OPHN1: variants seen among roughly 807,000 people sequenced by gnomAD.
OPHN1 encodes oligophrenin 1.
Under a neutral mutation model 60.7 loss-of-function variants are expected in OPHN1, and 11 were observed. The ratio of observed to expected loss-of-function variants is 0.18; its 90% CI spans 0.11 to 0.30. The LOEUF is 0.30. OPHN1 is among the 10% of genes least tolerant of loss of function. The pLI, the probability that OPHN1 is intolerant of heterozygous loss-of-function variation, is 1.00. For missense variants in OPHN1, 449 were observed against 611.0 expected (o/e 0.73, Z 2.80); for synonymous variants, 226 against 222.6 (o/e 1.02, Z -0.14).
intron 5 of OPHN1, among the ~76,000 whole-genome samples, chrX:68,244,309 C>T (rs2077795309): frequency 8.9e-6 from 1 of 112,399 alleles, no homozygotes; most frequent in African/African-American, 3.2e-5. Context: ...AGACCAACTC[C>T]ACCCCCACAA....
At chrX:68,232,783 T>C (rs2077734354) in intron 6 of OPHN1, among the ~76,000 whole-genome samples, 1 of 110,445 alleles carries the variant, frequency 9.1e-6, no homozygotes, top group Non-Finnish European at 1.9e-5. Flanking sequence ...GTTTTCTGCA[T>C]AGAAACCGCG....
intron 2 of OPHN1, among the ~76,000 whole-genome samples, chrX:68,319,628 C>G (rs996447964): frequency 2.7e-5 from 3 of 109,842 alleles, no homozygotes; most frequent in Non-Finnish European, 5.7e-5. Flanking sequence ...CCCAGCTACT[C>G]GAGAGGCTGA....
chrX:68,307,458 C>A (rs112694271), intron 2 of OPHN1, among the ~76,000 whole-genome samples: 11,106 of 45,928 alleles, frequency 0.24, 1,201 homozygotes, highest in African/African-American at 0.48. Context: ...CCTATGTCAA[C>A]AAAAAAAAAA....
chrX:68,150,258 T>C (rs2077280205), intron 15 of OPHN1, among the ~76,000 whole-genome samples: 3 of 111,625 alleles, frequency 2.7e-5, no homozygotes, highest in Non-Finnish European at 5.7e-5. Context: ...TGCACAACAC[T>C]GTAAGGGTAT....
intron 11 of OPHN1, among the ~76,000 whole-genome samples, chrX:68,201,107 A>G (rs2077533444): frequency 8.9e-6 from 1 of 111,796 alleles, no homozygotes; most frequent in South Asian, 3.8e-4. Context: ...TGATAATCAC[A>G]CTATTTCCAG....
At chrX:68,327,815 A>G (rs1472828472) in intron 2 of OPHN1, among the ~76,000 whole-genome samples, 2 of 103,667 alleles carry the variant, frequency 1.9e-5, no homozygotes, top group Non-Finnish European at 3.8e-5. Flanking sequence ...AAAAAAAAAA[A>G]AATTTTAAAC....
At chrX:68,137,720 G>A (rs907187215) in intron 15 of OPHN1, among the ~76,000 whole-genome samples, 20 of 111,208 alleles carry the variant, frequency 1.8e-4, no homozygotes, top group African/African-American at 6.5e-4. Flanking sequence ...TTAAAAATCG[G>A]GATTCTGTAT....
intron 20 of OPHN1, among the ~76,000 whole-genome samples, chrX:68,065,841 G>A (rs1282179016): frequency 8.9e-6 from 1 of 111,978 alleles, no homozygotes; most frequent in African/African-American, 3.3e-5. Context: ...GTTTCCATGG[G>A]GGAAGTCTTG....
intron 5 of OPHN1, among the ~76,000 whole-genome samples, chrX:68,265,299 C>G (rs889465296): frequency 8.9e-6 from 1 of 111,829 alleles, no homozygotes; most frequent in Non-Finnish European, 1.9e-5. Flanking sequence ...AGACTGACAC[C>G]TCACACAGCC....
intron 5 of OPHN1, among the ~76,000 whole-genome samples, chrX:68,272,133 T>G: frequency 9.0e-6 from 1 of 111,487 alleles, no homozygotes; most frequent in African/African-American, 3.3e-5. Context: ...TTGGAATTGA[T>G]TGGCAATAAA....
At chrX:68,351,744 G>A (rs1417036152) in intron 2 of OPHN1, among the ~76,000 whole-genome samples, 3 of 107,493 alleles carry the variant, frequency 2.8e-5, no homozygotes, top group South Asian at 4.1e-4. Context: ...TCGCCCAGGC[G>A]GGAGTGCAGT....
intron 2 of OPHN1, among the ~76,000 whole-genome samples, chrX:68,330,554 C>G (rs1388773939): frequency 9.0e-6 from 1 of 110,661 alleles, no homozygotes; most frequent in East Asian, 2.8e-4. Flanking sequence ...GTTCCAGCTA[C>G]TTGGGAGGCT....
intron 19 of OPHN1, among the ~76,000 whole-genome samples, chrX:68,077,527 GA>G (rs1339304248): frequency 8.9e-6 from 1 of 112,273 alleles, no homozygotes; most frequent in African/African-American, 3.2e-5. Context: ...AACTGAGGTG[GA>G]AAGATTAAAT....
intron 2 of OPHN1, among the ~76,000 whole-genome samples, chrX:68,428,829 G>A (rs2078871962): frequency 9.0e-6 from 1 of 111,290 alleles, no homozygotes; most frequent in African/African-American, 3.3e-5. Flanking sequence ...CCTTTCAGAG[G>A]GATGGTATTT....
chrX:68,046,162 C>A lies in OPHN1; in HGVS notation c.*1010G>T, dbSNP rs2147341736. 1 of 112,095 alleles carries A rather than the reference C, an allele frequency of 8.9e-6. No individual in the cohort carries two copies. The highest frequency in any genetic ancestry group is 1.9e-5 in the Non-Finnish European group (1 of 53,260). 9.2% of individuals were successfully genotyped at this position (112,095 alleles called of 1,213,427 possible). A position where few individuals can be genotyped will look rare whatever the true frequency, so the allele number is the denominator to read the frequency against. On this transcript the variant is annotated 3_prime_UTR_variant, in exon 25 of 25. Transcript: ENST00000355520. ...GCATATTGTCATGGAATTGTGCATA[C>A]CATCTCAGGGGCATCATGGAGTTTC...
rs1395087547 is a variant in OPHN1, at chrX:68,043,347, T to C, written c.*3825A>G. The C allele has an allele frequency of 1.2e-5, 1 of 85,656 alleles. No homozygotes were observed. Among genetic ancestry groups the C allele is most frequent in the Non-Finnish European group, 2.2e-5 (1 of 46,026 alleles). The allele number at this position is 85,656 out of a possible 1,213,427, so 7.1% of individuals were successfully genotyped here. ...GTAACTAACCTGCACAATGTGCACA[T>C]GTACCCTAAAACTTAGAGTATAATA... On this transcript the variant is annotated 3_prime_UTR_variant, in exon 25 of 25. Transcript: ENST00000355520.
intron 3 of OPHN1, among the ~76,000 whole-genome samples, chrX:68,287,986 C>T (rs2078053216): frequency 9.0e-6 from 1 of 111,583 alleles, no homozygotes; most frequent in Admixed American, 9.5e-5. Context: ...ATTGTTAAAT[C>T]ACTTTAAAAT....
At chrX:68,338,519 C>T (rs986058516) in intron 2 of OPHN1, among the ~76,000 whole-genome samples, 1 of 111,534 alleles carries the variant, frequency 9.0e-6, no homozygotes, top group East Asian at 2.8e-4. Context: ...AATCACAAGA[C>T]AAATTAGAAA....
intron 2 of OPHN1, among the ~76,000 whole-genome samples, chrX:68,403,227 A>T: frequency 8.9e-6 from 1 of 112,312 alleles, no homozygotes; most frequent in East Asian, 2.8e-4. Flanking sequence ...TGATTCAGGA[A>T]TCTACAGTTT....
Sources: gnomAD v4.1 joint callset for allele counts (sites outside exome capture counted in the v4.1 genomes callset) on GRCh38, gnomAD v4.1.1 for gene constraint, MANE v1.5 for transcripts, NCBI Gene and HGNC (gene_info 2026-07-23, HGNC 2026-07-21) for gene names.